Variants in HS3ST3A1 observed in about 807,000 individuals in gnomAD.
The protein encoded by HS3ST3A1 is heparan sulfate glucosamine 3-O-sulfotransferase 3A1.
HS3ST3A1 carries 19 observed loss-of-function variants against 25.7 expected under a neutral mutation model. That is an observed-to-expected ratio of 0.74 (90% confidence interval 0.52 to 1.08). The LOEUF is 1.08. Ranked by LOEUF, HS3ST3A1 falls within the 50% of genes least tolerant of loss-of-function variation. HS3ST3A1 has a pLI of 0.00. For missense variants in HS3ST3A1, 459 were observed against 594.3 expected (o/e 0.77, Z 2.37); for synonymous variants, 226 against 278.6 (o/e 0.81, Z 1.88).
At chr17:13,544,955 C>G (rs186110899) in intron 1 of HS3ST3A1, among the ~76,000 whole-genome samples, 1 of 152,306 alleles carries the variant, frequency 6.6e-6, no homozygotes, top group Admixed American at 6.5e-5. Context: ...CAATTCCCCC[C>G]AGAACATCAA....
At chr17:13,509,393 A>C (rs1216419511) in intron 1 of HS3ST3A1, among the ~76,000 whole-genome samples, 2 of 152,226 alleles carry the variant, frequency 1.3e-5, no homozygotes, top group Non-Finnish European at 2.9e-5. Context: ...AGAATGAAAA[A>C]GTGAGTGTAT....
At chr17:13,518,974 C>G (rs938604299) in intron 1 of HS3ST3A1, among the ~76,000 whole-genome samples, 1 of 152,128 alleles carries the variant, frequency 6.6e-6, no homozygotes, top group Non-Finnish European at 1.5e-5. Context: ...TGTTATGAAG[C>G]ATTATTTTAG....
chr17:13,572,181 C>T (rs914651098), intron 1 of HS3ST3A1, among the ~76,000 whole-genome samples: 9 of 152,036 alleles, frequency 5.9e-5, no homozygotes, highest in African/African-American at 1.4e-4. Flanking sequence ...GTCCTTTTTA[C>T]GTCTATGAAA....
rs72637312 is a variant in HS3ST3A1 at position 13,495,155 on chromosome 17, T to A, written c.*1042A>T. Among the ~76,000 whole-genome samples the A allele has an allele frequency of 0.091, 13,848 of 151,882 alleles. 783 individuals carry two copies. The highest frequency in any genetic ancestry group is 0.15 in the East Asian group (753 of 5,140). ...TTGAAATCTGTTTCTTTTTTTTTTT[T>A]AAAGTCAATTAAATCAACAAATGGG... is the stretch of plus-strand genomic sequence containing the variant. On this transcript the variant is annotated 3_prime_UTR_variant, in exon 2 of 2. Transcript: ENST00000284110.
At position 13,600,951 on chromosome 17, in the gene HS3ST3A1, C is replaced by T. The variant is rs1222288886; in HGVS notation, c.179G>A (p.Gly60Asp). Residue 60 changes from glycine to aspartate, a missense_variant, in exon 1 of 2, where the codon GGC becomes GAC. Physicochemically the swap from Gly to Asp is moderately conservative, Grantham distance 94. Around this residue, in one of 3 missense-constraint regions of HS3ST3A1, gnomAD observed 346 missense variants for 303.9 expected, o/e 1.14. Coordinates refer to ENST00000284110, the MANE Select transcript of HS3ST3A1 (RefSeq NM_006042.3). Reference protein sequence around the residue: ...SGPVVGLSGGGEEAGAPGGGV... With the variant: ...SGPVVGLSGGDEEAGAPGGGV... The stretch of plus-strand genomic sequence containing the variant: ...GCCACCAGGGGCCCCCGCCTCCTCG[C>T]CGCCGCCGGACAGCCCCACGACGGG... The T allele has an allele frequency of 1.0e-5, 16 of 1,537,430 alleles. No individual in the cohort carries two copies. The highest frequency in any genetic ancestry group is 1.7e-4 in the Middle Eastern group (1 of 5,768).
chr17:13,585,214 T>C (rs1260829381), intron 1 of HS3ST3A1, among the ~76,000 whole-genome samples: 1 of 135,150 alleles, frequency 7.4e-6, no homozygotes, highest in Non-Finnish European at 1.5e-5. Flanking sequence ...TTTTTTTTTT[T>C]TTTGAGACAG....
chr17:13,527,289 G>A (rs958734978), intron 1 of HS3ST3A1, among the ~76,000 whole-genome samples: 1 of 152,142 alleles, frequency 6.6e-6, no homozygotes, highest in African/African-American at 2.4e-5. Context: ...TTTAGAAAAA[G>A]GAGAGGGAGG....
intron 1 of HS3ST3A1, among the ~76,000 whole-genome samples, chr17:13,499,427 G>A (rs1436894123): frequency 6.6e-6 from 1 of 152,186 alleles, no homozygotes; most frequent in Non-Finnish European, 1.5e-5. Flanking sequence ...CTACACTGAA[G>A]TGATAAGAAA....
intron 1 of HS3ST3A1, among the ~76,000 whole-genome samples, chr17:13,500,530 C>T (rs1379010414): frequency 2.6e-5 from 4 of 152,162 alleles, no homozygotes; most frequent in African/African-American, 7.2e-5. Context: ...GAAGACACAA[C>T]AGGTGAAGAA....
Position 13,495,991 on chromosome 17 carries a change from C to T in HS3ST3A1, c.*206G>A. 9.0e-6 allele frequency: 5 copies of T among 553,812 alleles called. No homozygotes were observed. Among genetic ancestry groups the T allele is most frequent in the Non-Finnish European group, 1.5e-5 (5 of 334,388 alleles). The allele number at this position is 553,812 out of a possible 1,614,324, so 34.3% of individuals were successfully genotyped here. ...AAACTGAAAATTGAAAGTGTTTAGA[C>T]GAGTGAAATTTTCCTTTTCTGTTGA... On this transcript the variant is annotated 3_prime_UTR_variant, in exon 2 of 2. Coordinates refer to ENST00000284110, the MANE Select transcript of HS3ST3A1 (RefSeq NM_006042.3).
Position 13,494,483 on chromosome 17 carries a change from C to A in HS3ST3A1, c.*1714G>T, listed in dbSNP as rs1905218241. 6.6e-6 allele frequency among the ~76,000 whole-genome samples: 1 copy of A among 152,108 alleles called. No individual in the cohort carries two copies. Among genetic ancestry groups the A allele is most frequent in the African/African-American group, 2.4e-5 (1 of 41,414 alleles). Reference sequence around the variant, plus strand: ...TAATGCAGCAGCTATGGTAAATGTACAATTGTACTGCATATTTTAAAACAA... The same window carrying A: ...TAATGCAGCAGCTATGGTAAATGTAAAATTGTACTGCATATTTTAAAACAA... On this transcript the variant is annotated 3_prime_UTR_variant, in exon 2 of 2. Coordinates refer to ENST00000284110, the MANE Select transcript of HS3ST3A1 (RefSeq NM_006042.3).
intron 1 of HS3ST3A1, among the ~76,000 whole-genome samples, chr17:13,501,333 G>A (rs6502268): frequency 0.81 from 122,971 of 152,000 alleles, 50,119 homozygotes; most frequent in East Asian, 0.94. Flanking sequence ...GAACCTAACA[G>A]TGGTTAAAAT....
intron 1 of HS3ST3A1, among the ~76,000 whole-genome samples, chr17:13,550,604 G>T (rs1488697348): frequency 6.6e-6 from 1 of 151,954 alleles, no homozygotes; most frequent in Non-Finnish European, 1.5e-5. Flanking sequence ...AATAAACTTT[G>T]TTATGTAGAC....
intron 1 of HS3ST3A1, among the ~76,000 whole-genome samples, chr17:13,537,749 T>A (rs1405932548): frequency 6.6e-6 from 1 of 152,234 alleles, no homozygotes; most frequent in Non-Finnish European, 1.5e-5. Context: ...AAAACTCCTA[T>A]AAAATTTCTA....
chr17:13,524,104 T>C (rs1906335378), intron 1 of HS3ST3A1, among the ~76,000 whole-genome samples: 1 of 152,216 alleles, frequency 6.6e-6, no homozygotes, highest in South Asian at 2.1e-4. Context: ...ATATTGATTT[T>C]ATTAATTTTA....
intron 1 of HS3ST3A1, among the ~76,000 whole-genome samples, chr17:13,598,732 C>T (rs1908646506): frequency 6.6e-6 from 1 of 151,868 alleles, no homozygotes; most frequent in African/African-American, 2.4e-5. Context: ...ACCTTCCTCC[C>T]CTTACAGGAG....
At chr17:13,528,776 G>A (rs35913870) in intron 1 of HS3ST3A1, among the ~76,000 whole-genome samples, 4,096 of 152,196 alleles carry the variant, frequency 0.027, 95 homozygotes, top group South Asian at 0.081. Flanking sequence ...CTGCATTTGA[G>A]TTGACTCTGA....
At chr17:13,559,903 T>C (rs2142364057) in intron 1 of HS3ST3A1, among the ~76,000 whole-genome samples, 1 of 152,196 alleles carries the variant, frequency 6.6e-6, no homozygotes, top group East Asian at 1.9e-4. Flanking sequence ...TTTTGGTTTT[T>C]TTGCAAAAGG....
intron 1 of HS3ST3A1, among the ~76,000 whole-genome samples, chr17:13,512,327 A>AAAAAAC: frequency 6.9e-6 from 1 of 145,756 alleles, no homozygotes; most frequent in African/African-American, 2.5e-5. Context: ...AAAAAAAAAA[A>AAAAAAC]CTGCATGATC....
Sources: allele counts gnomAD v4.1 joint callset (sites outside exome capture counted in the v4.1 genomes callset), GRCh38; gene constraint gnomAD v4.1.1; regional missense constraint gnomAD v4.1.1; transcripts MANE v1.5; gene names NCBI Gene and HGNC (gene_info 2026-07-23, HGNC 2026-07-21).